Variants in RBM46 observed in about 807,000 individuals in gnomAD.
The protein encoded by RBM46 is RNA binding motif protein 46.
In RBM46, 12 loss-of-function variants were observed where a neutral mutation model predicts 43.3. The ratio of observed to expected loss-of-function variants is 0.28; its 90% CI spans 0.18 to 0.45. The LOEUF (loss-of-function observed/expected upper bound fraction) is 0.45. Ranked by LOEUF, RBM46 falls within the 20% of genes least tolerant of loss-of-function variation. The probability of loss-of-function intolerance (pLI) is 1.00; values close to 1 mark genes in which losing one functional copy is unlikely to be tolerated. For missense variants in RBM46, 412 were observed against 639.1 expected (o/e 0.64, Z 3.83); for synonymous variants, 205 against 207.6 (o/e 0.99, Z 0.11).
At chr4:154,792,329 A>C (rs2111111336) in intron 1 of RBM46, among the ~76,000 whole-genome samples, 1 of 152,334 alleles carries the variant, frequency 6.6e-6, no homozygotes, top group South Asian at 2.1e-4. Flanking sequence ...TAAATGTAGA[A>C]GTAAAATGGA....
chr4:154,803,629 G>C (rs898374834), intron 4 of RBM46, among the ~76,000 whole-genome samples: 2 of 150,094 alleles, frequency 1.3e-5, no homozygotes, highest in Non-Finnish European at 1.5e-5. Context: ...CGTGAACCCG[G>C]GGGGCGGAGC....
At chr4:154,795,546 A>G (rs1734310314) in intron 1 of RBM46, among the ~76,000 whole-genome samples, 1 of 152,114 alleles carries the variant, frequency 6.6e-6, no homozygotes, top group Admixed American at 6.6e-5. Flanking sequence ...TGCCCAGGCC[A>G]GAGTGCAGTG....
At chr4:154,793,303 T>C (rs1220805788) in intron 1 of RBM46, among the ~76,000 whole-genome samples, 1 of 152,224 alleles carries the variant, frequency 6.6e-6, no homozygotes, top group African/African-American at 2.4e-5. Context: ...GTTATTTCTA[T>C]ATACAGTGTT....
rs757248793 is a variant in RBM46 at position 154,788,137 on chromosome 4, G to T, written c.-12+6701G>T. On this transcript the variant is annotated intron_variant, in intron 1 of 4. Transcript: ENST00000281722. Reference sequence around the variant, plus strand: ...AAAATTTTCTCCCATTCTGTAGGTTGCCTGTTCACTCTGATGGTAGTTTCT... The same window carrying T: ...AAAATTTTCTCCCATTCTGTAGGTTTCCTGTTCACTCTGATGGTAGTTTCT... Among the ~76,000 whole-genome samples, 111 of 152,188 alleles carry T rather than the reference G, an allele frequency of 7.3e-4. 1 individual carries two copies. The highest frequency in any genetic ancestry group is 1.3e-3 in the Non-Finnish European group (87 of 68,004).
chr4:154,827,059 A>G (rs560129424), intron 4 of RBM46: 2 of 1,173,054 alleles, frequency 1.7e-6, no homozygotes, highest in East Asian at 3.9e-5. Context: ...AAGGTACAGG[A>G]TTTAAAAATT....
At chr4:154,825,647 G>T (rs1220935076) in intron 4 of RBM46, among the ~76,000 whole-genome samples, 1 of 152,140 alleles carries the variant, frequency 6.6e-6, no homozygotes, top group Non-Finnish European at 1.5e-5. Context: ...AATGATCATT[G>T]TATATTTAAG....
chr4:154,798,062 T>C lies in RBM46; in HGVS notation c.403T>C (p.Cys135Arg). The change falls in exon 3 of 5, where the codon TGT (cysteine) becomes CGT (arginine). Residue 135 changes from cysteine to arginine, a missense_variant. Transcript: ENST00000281722. Reference sequence around the variant, plus strand: ...TCGACCAGGGAAGTTTATTGGTGTGTGTGTAAGCCTGGATAATTGTAGATT... The same window carrying C: ...TCGACCAGGGAAGTTTATTGGTGTGCGTGTAAGCCTGGATAATTGTAGATT... ...EIRPGKFIGVCVSLDNCRLFI... is the reference protein window; with the variant it reads ...EIRPGKFIGVRVSLDNCRLFI... 2 of 1,613,968 alleles carry C rather than the reference T, an allele frequency of 1.2e-6. No individual in the cohort carries two copies. The highest frequency in any genetic ancestry group is 8.5e-7 in the Non-Finnish European group (1 of 1,179,920).
At chr4:154,787,145 C>A (rs547502445) in intron 1 of RBM46, 127 of 152,150 alleles carry the variant, frequency 8.3e-4, no homozygotes, top group African/African-American at 2.8e-3. Context: ...TGGCCAAGAT[C>A]AAGTATAGTA....
At chr4:154,789,208 C>G (rs7669127) in intron 1 of RBM46, among the ~76,000 whole-genome samples, 34,092 of 152,018 alleles carry the variant, frequency 0.22, 4,269 homozygotes, top group Middle Eastern at 0.3. Context: ...ACTTCCAACA[C>G]TATGTTGAGT....
chr4:154,812,024 T>C (rs1226611160), intron 4 of RBM46, among the ~76,000 whole-genome samples: 2 of 151,690 alleles, frequency 1.3e-5, no homozygotes, highest in Non-Finnish European at 2.9e-5. Context: ...TTACTTTTTT[T>C]TTTTTTTTTT....
intron 4 of RBM46, 172 bp from the exon 5 acceptor site, chr4:154,827,696 T>C: frequency 7.0e-7 from 1 of 1,427,988 alleles, no homozygotes; most frequent in African/African-American, 1.4e-5. Flanking sequence ...CTCTCAGGAT[T>C]TGCAGTGCAG....
intron 4 of RBM46, 31 bp from the exon 5 acceptor site, chr4:154,827,837 A>C: frequency 4.3e-6 from 7 of 1,610,626 alleles, no homozygotes; most frequent in Non-Finnish European, 5.9e-6. Context: ...ATAAAGATGT[A>C]CAGCATAATT....
In RBM46 at chr4:154,828,368, A is replaced by ATT; in HGVS notation, c.*302_*303insTT. On this transcript the variant is annotated 3_prime_UTR_variant, in exon 5 of 5. Coordinates refer to ENST00000281722, the MANE Select transcript of RBM46 (RefSeq NM_144979.5). Reference sequence around the variant, plus strand: ...AGTGGGCAATAGAACCTAGTCATTTATGTTTTTTTTTTTTTTTGCATAATT... The same window carrying ATT: ...AGTGGGCAATAGAACCTAGTCATTTATTTGTTTTTTTTTTTTTTTGCATAATT... 2 of 194,214 alleles carry ATT rather than the reference A, an allele frequency of 1.0e-5. No homozygotes were observed. The highest frequency in any genetic ancestry group is 1.8e-5 in the Non-Finnish European group (2 of 113,358). 12.0% of individuals were successfully genotyped at this position (194,214 alleles called of 1,614,324 possible).
In RBM46 at chr4:154,828,177, A is replaced by G. The variant is rs930183841; in HGVS notation, c.*110A>G. 1 of 800,758 alleles carries G rather than the reference A, an allele frequency of 1.2e-6. No homozygotes were observed. Among genetic ancestry groups the G allele is most frequent in the Non-Finnish European group, 2.1e-6 (1 of 485,990 alleles). The allele number at this position is 800,758 out of a possible 1,614,324, so 49.6% of individuals were successfully genotyped here. A position where few individuals can be genotyped will look rare whatever the true frequency, so the allele number is the denominator to read the frequency against. On this transcript the variant is annotated 3_prime_UTR_variant, in exon 5 of 5. Transcript: ENST00000281722. ...CGGGTTTGCATATTTGGTTTTAAAA[A>G]GGTATTTATTCCAAAGTACTAAACA...
chr4:154,799,104 T>G lies in RBM46; in HGVS notation c.942T>G (p.Thr314=), dbSNP rs997374555. Residue 314 remains threonine (T), a synonymous_variant, in exon 4 of 5, where the codon ACT becomes ACG. Coordinates refer to ENST00000281722, the MANE Select transcript of RBM46 (RefSeq NM_144979.5). ...CTAAACCAGTAAATAAAGAAAACAC[T>G]TGGAGACAGCATCTTAATGGTCAGA... The part of the protein sequence containing the change: ...TLAKPVNKEN[T]WRQHLNGQIS... The G allele has an allele frequency of 6.2e-7, 1 of 1,614,026 alleles. No homozygotes were observed. Among genetic ancestry groups the G allele is most frequent in the African/African-American group, 1.3e-5 (1 of 75,008 alleles).
At chr4:154,825,536 T>C (rs1735917364) in intron 4 of RBM46, among the ~76,000 whole-genome samples, 1 of 152,218 alleles carries the variant, frequency 6.6e-6, no homozygotes, top group African/African-American at 2.4e-5. Context: ...CTTTGTTATT[T>C]GTGAAGGATT....
chr4:154,789,239 T>TCC (rs957161101), intron 1 of RBM46, among the ~76,000 whole-genome samples: 1 of 152,220 alleles, frequency 6.6e-6, no homozygotes, highest in Non-Finnish European at 1.5e-5. Flanking sequence ...AGAGAGGGCA[T>TCC]CCCTGTCTTG....
At chr4:154,821,829 G>A (rs950631485) in intron 4 of RBM46, among the ~76,000 whole-genome samples, 1 of 151,680 alleles carries the variant, frequency 6.6e-6, no homozygotes, top group Non-Finnish European at 1.5e-5. Context: ...TGCTTCTAAG[G>A]TCAAACAGGT....
chr4:154,783,087 G>C (rs569034167), intron 1 of RBM46, among the ~76,000 whole-genome samples: 1 of 152,198 alleles, frequency 6.6e-6, no homozygotes, highest in East Asian at 1.9e-4. Flanking sequence ...AACTTTGTTT[G>C]CATCTGTCTG....
Sources: gnomAD v4.1 joint callset for allele counts (sites outside exome capture counted in the v4.1 genomes callset) on GRCh38, gnomAD v4.1.1 for gene constraint, MANE v1.5 for transcripts, NCBI Gene and HGNC (gene_info 2026-07-23, HGNC 2026-07-21) for gene names.